The following ANKRD6 variants were observed in gnomAD, a reference collection of about 807,000 sequenced individuals.
ANKRD6 encodes ankyrin repeat domain 6.
A neutral mutation model predicts 82.3 loss-of-function variants in ANKRD6; 56 were observed. That is an observed-to-expected ratio of 0.68 (90% CI 0.55 to 0.85). The LOEUF is 0.85. ANKRD6 is among the 40% of genes least tolerant of loss of function. The pLI, the probability that ANKRD6 is intolerant of heterozygous loss-of-function variation, is 0.00. For synonymous variants in ANKRD6, 347 were observed against 352.1 expected (o/e 0.99, Z 0.16); for missense variants, 852 against 907.6 (o/e 0.94, Z 0.79).
At chr6:89,565,444 A>G (rs1159990171) in intron 1 of ANKRD6, 3 of 152,254 alleles carry the variant, frequency 2.0e-5, no homozygotes, top group Admixed American at 1.3e-4. Context: ...CCGAAGTTAC[A>G]GTATTCACAT....
chr6:89,595,818 C>T (rs963155691), intron 2 of ANKRD6, 98 bp from the exon 3 acceptor site: 6 of 910,356 alleles, frequency 6.6e-6, no homozygotes, highest in South Asian at 4.4e-5. Flanking sequence ...AGTGATCATC[C>T]GAAAGCCCCT....
chr6:89,629,212 C>T lies in ANKRD6; in HGVS notation c.1586C>T (p.Thr529Ile). The T allele has an allele frequency of 1.2e-6, 2 of 1,613,794 alleles. No individual in the cohort carries two copies. The highest frequency in any genetic ancestry group is 1.7e-6 in the Non-Finnish European group (2 of 1,179,828). The stretch of plus-strand genomic sequence containing the variant: ...TCTAGGGCCTGCAGAGCTAAATCCA[C>T]ACCATCTACTTGTGAGTCCTCTACA... ...GDSRACRAKS[T>I]PSTCESSTGV... Residue 529 changes from threonine to isoleucine, a missense_variant, in exon 15 of 16, where the codon ACA (threonine) becomes ATA (isoleucine). Thr to Ile is a moderately conservative substitution (Grantham distance 89). Coordinates refer to ENST00000339746, the MANE Select transcript of ANKRD6 (RefSeq NM_001242809.2).
chr6:89,501,635 T>C (rs1236562907), intron 1 of ANKRD6, among the ~76,000 whole-genome samples: 3 of 152,208 alleles, frequency 2.0e-5, no homozygotes, highest in African/African-American at 7.2e-5. Flanking sequence ...CCATACAGTA[T>C]TTTTGCATTA....
intron 7 of ANKRD6, among the ~76,000 whole-genome samples, chr6:89,614,113 C>G (rs986594217): frequency 6.6e-6 from 1 of 152,172 alleles, no homozygotes; most frequent in African/African-American, 2.4e-5. Context: ...CTGTGCATAT[C>G]ACCACATTTG....
At chr6:89,552,874 C>T (rs769054087) in intron 1 of ANKRD6, among the ~76,000 whole-genome samples, 2 of 152,204 alleles carry the variant, frequency 1.3e-5, no homozygotes, top group Admixed American at 1.3e-4. Flanking sequence ...CTCTCCTTCC[C>T]TTGCTTCTCC....
At chr6:89,572,715 A>G (rs1048462983) in intron 2 of ANKRD6, among the ~76,000 whole-genome samples, 10 of 152,072 alleles carry the variant, frequency 6.6e-5, no homozygotes, top group African/African-American at 2.2e-4. Context: ...GTAAGGGTCC[A>G]TCTTTACTTT....
At position 89,603,017 on chromosome 6, in the gene ANKRD6, G is replaced by T. The variant is rs1309431892; in HGVS notation, c.220-12G>T. 1.3e-6 allele frequency: 2 copies of T among 1,592,618 alleles called. No homozygotes were observed. The highest frequency in any genetic ancestry group is 1.8e-5 in the Admixed American group (1 of 56,938). Reference sequence around the variant, plus strand: ...AGCTGACTGCTGTTCCTGCCTTTGTGTCACTTTGCAGGGGGACCAGACCGC... The same window carrying T: ...AGCTGACTGCTGTTCCTGCCTTTGTTTCACTTTGCAGGGGGACCAGACCGC... On this transcript the variant is annotated splice_polypyrimidine_tract_variant and intron_variant, in intron 3 of 15. Transcript: ENST00000339746.
At chr6:89,620,539 C>G (rs1038082483) in intron 9 of ANKRD6, among the ~76,000 whole-genome samples, 8 of 152,180 alleles carry the variant, frequency 5.3e-5, no homozygotes, top group African/African-American at 1.9e-4. Flanking sequence ...AAGTGGTTCT[C>G]AGACTTCTTG....
chr6:89,580,226 A>C (rs77594764), intron 2 of ANKRD6, among the ~76,000 whole-genome samples: 4 of 150,542 alleles, frequency 2.7e-5, no homozygotes, highest in African/African-American at 9.8e-5. Flanking sequence ...TTTTTTTTAA[A>C]GATAACTCTC....
At chr6:89,624,145 T>C (rs1040260137) in intron 12 of ANKRD6, 88 bp downstream of exon 12, 2 of 1,391,940 alleles carry the variant, frequency 1.4e-6, no homozygotes, top group Non-Finnish European at 1.9e-6. Flanking sequence ...TGATAGGCAC[T>C]TTAGGCATTG....
At chr6:89,459,193 C>T (rs1221669749) in intron 1 of ANKRD6, among the ~76,000 whole-genome samples, 1 of 152,192 alleles carries the variant, frequency 6.6e-6, no homozygotes, top group East Asian at 1.9e-4. Flanking sequence ...ATTCTCCTGC[C>T]TCAGCCTCCC....
At chr6:89,434,219 C>A (rs1770338822) in intron 1 of ANKRD6, among the ~76,000 whole-genome samples, 1 of 152,164 alleles carries the variant, frequency 6.6e-6, no homozygotes, top group African/African-American at 2.4e-5. Flanking sequence ...CTCTAAACTG[C>A]AGGTATTGTA....
At chr6:89,560,564 C>G (rs1787254434) in intron 1 of ANKRD6, among the ~76,000 whole-genome samples, 1 of 152,192 alleles carries the variant, frequency 6.6e-6, no homozygotes, top group Non-Finnish European at 1.5e-5. Context: ...TGGCTCACGC[C>G]TATAATCCCA....
intron 1 of ANKRD6, among the ~76,000 whole-genome samples, chr6:89,434,124 G>T (rs1049452996): frequency 1.3e-5 from 2 of 152,170 alleles, no homozygotes; most frequent in African/African-American, 4.8e-5. Context: ...AGCCACTTCG[G>T]GCCCGTGAGA....
At chr6:89,483,295 G>A (rs1219890556) in intron 1 of ANKRD6, 1 of 152,282 alleles carries the variant, frequency 6.6e-6, no homozygotes, top group Non-Finnish European at 1.5e-5. Flanking sequence ...GGCAGCCCAC[G>A]GATTCAAGGC....
intron 1 of ANKRD6, among the ~76,000 whole-genome samples, chr6:89,554,638 A>G (rs1486648400): frequency 6.6e-6 from 1 of 152,178 alleles, no homozygotes; most frequent in Non-Finnish European, 1.5e-5. Context: ...TATTTATCCA[A>G]TAAGCCTGTA....
intron 4 of ANKRD6, among the ~76,000 whole-genome samples, chr6:89,604,465 A>G (rs1371174773): frequency 2.1e-5 from 2 of 95,024 alleles, no homozygotes; most frequent in Admixed American, 2.3e-4. Flanking sequence ...GCCTCTGCTT[A>G]CTTTTTTTTT....
intron 5 of ANKRD6, 23 bp from the exon 6 acceptor site, chr6:89,612,249 C>T (rs1292733517): frequency 6.5e-7 from 1 of 1,548,032 alleles, no homozygotes; most frequent in African/African-American, 1.4e-5. Flanking sequence ...AATATGTCCT[C>T]CCTCTCTCTG....
chr6:89,440,805 C>T lies in ANKRD6; in HGVS notation c.-144+7430C>T, dbSNP rs142734990. Among the ~76,000 whole-genome samples the T allele has an allele frequency of 4.4e-3, 604 of 136,156 alleles. 2 individuals are homozygous for T. The highest frequency in any genetic ancestry group is 0.014 in the African/African-American group (533 of 39,154). The allele number at this position is 136,156 out of a possible 152,430, so 89.3% of individuals were successfully genotyped here. On this transcript the variant is annotated intron_variant, in intron 1 of 15. Transcript: ENST00000339746. Reference sequence around the variant, plus strand: ...TAGGCAACATAGCAAGATCCCATCTCGAAAAAAAAAAAAAAGTTGTACTAG... The same window carrying T: ...TAGGCAACATAGCAAGATCCCATCTTGAAAAAAAAAAAAAAGTTGTACTAG...
Sources: gnomAD v4.1 joint callset for allele counts (sites outside exome capture counted in the v4.1 genomes callset) on GRCh38, gnomAD v4.1.1 for gene constraint, MANE v1.5 for transcripts, NCBI Gene and HGNC (gene_info 2026-07-23, HGNC 2026-07-21) for gene names.